The following DLGAP1 variants were observed in gnomAD, a reference collection of about 807,000 sequenced individuals.
The protein encoded by DLGAP1 is disks large-associated protein 1.
In DLGAP1, 11 loss-of-function variants were observed where a neutral mutation model predicts 90.8. The ratio of observed to expected loss-of-function variants is 0.12; its 90% CI spans 0.08 to 0.20. The LOEUF (loss-of-function observed/expected upper bound fraction) is 0.20, where lower values mean the gene tolerates loss of function less well. Ranked by LOEUF, DLGAP1 falls within the 10% of genes least tolerant of loss-of-function variation. The probability of loss-of-function intolerance (pLI) is 1.00; values close to 1 mark genes in which losing one functional copy is unlikely to be tolerated. For missense variants in DLGAP1, 1,050 were observed against 1,333.8 expected, an observed-to-expected ratio of 0.79 and a Z score of 3.31; for synonymous variants, 558 against 540.7, an observed-to-expected ratio of 1.03 and a Z score of -0.44.
chr18:3,982,032 T>C lies in DLGAP1; in HGVS notation c.-73+23084A>G, dbSNP rs796907654. On this transcript the variant is annotated intron_variant, in intron 3 of 12. Coordinates refer to ENST00000315677, the MANE Select transcript of DLGAP1 (RefSeq NM_004746.4). ...AAATGCATTTTCTAATAAAAAATAA[T>C]GCACAGAGAGCATATCTGGTCAGAA... Among the ~76,000 whole-genome samples the C allele has an allele frequency of 1.2e-4, 18 of 152,076 alleles. 1 individual carries two copies. The highest frequency in any genetic ancestry group is 4.3e-4 in the African/African-American group (18 of 41,490).
chr18:3,659,264 G>A lies in DLGAP1; in HGVS notation c.1591+69871C>T, dbSNP rs190984693. 2.5e-3 allele frequency among the ~76,000 whole-genome samples: 375 copies of A among 152,042 alleles called. 1 individual carries two copies. Among genetic ancestry groups the A allele is most frequent in the African/African-American group, 8.7e-3 (361 of 41,458 alleles). ...TTAAAAATTTTGAATATTTAAGAAG[G>A]GATTGATGTTGATATTAAAAAGCTA... is the stretch of plus-strand genomic sequence containing the variant. On this transcript the variant is annotated intron_variant, in intron 7 of 12. Coordinates refer to ENST00000315677, the MANE Select transcript of DLGAP1 (RefSeq NM_004746.4).
chr18:4,002,470 GATAAAGACCTTT>G (rs1172724331), intron 3 of DLGAP1, among the ~76,000 whole-genome samples: 5 of 151,936 alleles, frequency 3.3e-5, no homozygotes, highest in Non-Finnish European at 7.4e-5. Context: ...TGAGGATATG[GATAAAGACCTTT>G]ATGATGACCC....
chr18:4,187,627 T>C (rs1232527120), intron 1 of DLGAP1, among the ~76,000 whole-genome samples: 1 of 152,144 alleles, frequency 6.6e-6, no homozygotes, highest in Non-Finnish European at 1.5e-5. Flanking sequence ...CTGTGAGATC[T>C]GGGCTATTTC....
chr18:3,583,171 TACCTA>T lies in DLGAP1; in HGVS notation c.1592-928_1592-924del, dbSNP rs1568240700. ...CTACCTACCTACCTACCTACCTACC[TACCTA>T]CCTACCTACCTTCCTTCCTTCCTTC... On this transcript the variant is annotated intron_variant, in intron 7 of 12. Transcript: ENST00000315677. Among the ~76,000 whole-genome samples, 196 of 140,662 alleles carry T rather than the reference TACCTA, an allele frequency of 1.4e-3. 3 individuals carry two copies. Among genetic ancestry groups the T allele is most frequent in the Non-Finnish European group, 1.9e-3 (120 of 64,644 alleles). The allele number at this position is 140,662 out of a possible 152,430, so 92.3% of individuals were successfully genotyped here.
intron 1 of DLGAP1, among the ~76,000 whole-genome samples, chr18:4,366,650 A>G (rs1466813334): frequency 6.6e-6 from 1 of 152,042 alleles, no homozygotes; most frequent in African/African-American, 2.4e-5. Context: ...ACACTGGTAT[A>G]GAAGACACTT....
intron 9 of DLGAP1, among the ~76,000 whole-genome samples, chr18:3,536,905 G>A (rs2052411913): frequency 6.6e-6 from 1 of 152,162 alleles, no homozygotes; most frequent in Non-Finnish European, 1.5e-5. Context: ...GGGCAAGGAA[G>A]GCGTGGGCCT....
rs541715769 is a variant in DLGAP1 at position 3,786,025 on chromosome 18, G to A, written c.1172+28034C>T. Among the ~76,000 whole-genome samples the A allele has an allele frequency of 2.6e-5, 4 of 152,212 alleles. No homozygotes were observed. In the East Asian group the frequency reaches 5.8e-4, roughly 22 times the overall value. Reference sequence around the variant, plus strand: ...AGCCAGTGGTGCAGCATCCTCCAATGCTTCCTTCTCTCTCCAACTCTGCTT... The same window carrying A: ...AGCCAGTGGTGCAGCATCCTCCAATACTTCCTTCTCTCTCCAACTCTGCTT... On this transcript the variant is annotated intron_variant, in intron 5 of 12. Coordinates refer to ENST00000315677, the MANE Select transcript of DLGAP1 (RefSeq NM_004746.4).
At chr18:4,292,969 G>C (rs1264225946) in intron 1 of DLGAP1, among the ~76,000 whole-genome samples, 2 of 152,174 alleles carry the variant, frequency 1.3e-5, no homozygotes, top group Non-Finnish European at 2.9e-5. Flanking sequence ...TTCTTTATAG[G>C]TGATAACTTT....
At chr18:4,360,040 T>C (rs1567860236) in intron 1 of DLGAP1, among the ~76,000 whole-genome samples, 1 of 152,132 alleles carries the variant, frequency 6.6e-6, no homozygotes, top group Non-Finnish European at 1.5e-5. Context: ...GGTTCTCAGG[T>C]AAAGAGTTGT....
At chr18:3,707,607 G>GA (rs1274258689) in intron 7 of DLGAP1, among the ~76,000 whole-genome samples, 5,874 of 114,342 alleles carry the variant, frequency 0.051, 370 homozygotes, top group African/African-American at 0.17. Context: ...CCATCTCAAA[G>GA]AAAAAAAAAA....
chr18:4,043,944 G>T (rs1244221517), intron 2 of DLGAP1, among the ~76,000 whole-genome samples: 1 of 152,176 alleles, frequency 6.6e-6, no homozygotes, highest in East Asian at 1.9e-4. Flanking sequence ...CATCATCTTA[G>T]CATTGTGTAA....
At position 3,879,945 on chromosome 18, in the gene DLGAP1, C is replaced by A; in HGVS notation, c.124G>T (p.Ala42Ser). The change falls in exon 4 of 13, where the codon GCA (alanine) becomes TCA (serine). Residue 42 changes from alanine (A) to serine (S), a missense_variant. Physicochemically the swap from Ala to Ser is moderately conservative, Grantham distance 99 (BLOSUM62 1). Transcript: ENST00000315677. The surrounding 1 kb of genome is among the most constrained non-coding windows in gnomAD (Gnocchi z 6.6). ...CGCTGGGTGTAGTATGGGTGGTCTG[C>A]GGGGTGGTGCTCCACTGGGCTCAGC... is the stretch of plus-strand genomic sequence containing the variant. The part of the protein sequence containing the change: ...YLLSPVEHHP[A>S]DHPYYTQRNS... 1 of 1,612,776 alleles carries A rather than the reference C, an allele frequency of 6.2e-7. No homozygotes were observed. The highest frequency in any genetic ancestry group is 1.3e-5 in the African/African-American group (1 of 75,054).
intron 9 of DLGAP1, among the ~76,000 whole-genome samples, chr18:3,545,911 A>G (rs941684166): frequency 7.2e-5 from 11 of 152,234 alleles, no homozygotes; most frequent in Non-Finnish European, 1.5e-4. Context: ...TCAAAAGACC[A>G]TAATATTCCT....
intron 5 of DLGAP1, among the ~76,000 whole-genome samples, chr18:3,811,146 T>A (rs1296568317): frequency 6.6e-6 from 1 of 152,134 alleles, no homozygotes; most frequent in Non-Finnish European, 1.5e-5. Context: ...TGTATGCAGT[T>A]GAAGATGACG....
At chr18:3,652,112 C>T (rs967182326) in intron 7 of DLGAP1, among the ~76,000 whole-genome samples, 3 of 146,342 alleles carry the variant, frequency 2.0e-5, no homozygotes, top group South Asian at 2.1e-4. Context: ...TGCTGTGAGC[C>T]GAGATCACAA....
At chr18:4,375,096 A>G (rs1293661895) in intron 1 of DLGAP1, among the ~76,000 whole-genome samples, 1 of 152,130 alleles carries the variant, frequency 6.6e-6, no homozygotes, top group African/African-American at 2.4e-5. Flanking sequence ...ATTAAATTGT[A>G]TTTGAGCACT....
intron 1 of DLGAP1, among the ~76,000 whole-genome samples, chr18:4,168,516 A>T (rs1301947195): frequency 1.3e-5 from 2 of 152,060 alleles, no homozygotes; most frequent in East Asian, 3.9e-4. Context: ...CACCTTCCCA[A>T]ACTAAAACTT....
intron 7 of DLGAP1, chr18:3,603,478 G>A (rs935150025): frequency 3.9e-5 from 6 of 152,142 alleles, no homozygotes; most frequent in African/African-American, 1.4e-4. Context: ...CTCACCCTGG[G>A]TTAACAGGAT....
At chr18:4,160,184 T>A (rs539113979) in intron 1 of DLGAP1, among the ~76,000 whole-genome samples, 1 of 152,230 alleles carries the variant, frequency 6.6e-6, no homozygotes, top group African/African-American at 2.4e-5. Context: ...AAAGGAGGTT[T>A]ATCAAACAAG....
Sources: gnomAD v4.1 joint callset for allele counts (sites outside exome capture counted in the v4.1 genomes callset) on GRCh38, gnomAD v4.1.1 for gene constraint, Gnocchi (gnomAD v3.1) non-coding constraint, MANE v1.5 for transcripts, NCBI Gene and HGNC (gene_info 2026-07-23, HGNC 2026-07-21) for gene names.